The following HNRNPF variants were observed in gnomAD, a reference collection of about 807,000 sequenced individuals.
HNRNPF encodes the protein heterogeneous nuclear ribonucleoprotein F.
Under a neutral mutation model 26.0 loss-of-function variants are expected in HNRNPF, and 2 were observed. The observed-to-expected ratio is 0.08, with a 90% CI of 0.03 to 0.24. The LOEUF is 0.24. Among genes scored for constraint, HNRNPF ranks in the 10% least tolerant of loss-of-function variants. The pLI, the probability that HNRNPF is intolerant of heterozygous loss-of-function variation, is 1.00. For synonymous variants in HNRNPF, 234 were observed against 211.5 expected, an observed-to-expected ratio of 1.11 and a Z score of -0.92; for missense variants, 299 against 539.2, an observed-to-expected ratio of 0.55 and a Z score of 4.41.
In HNRNPF at chr10:43,386,223, T is replaced by A. The variant is rs1838016954; in HGVS notation, c.*414A>T. On this transcript the variant is annotated 3_prime_UTR_variant, in exon 4 of 4. Coordinates refer to ENST00000682386, the MANE Select transcript of HNRNPF (RefSeq NM_001098204.2). ...AGCTTAAACTTAACCTAAAGGATTTTAAATGAAAATATAAACTAGAATGAA... is the reference window on the plus strand; with the variant it reads ...AGCTTAAACTTAACCTAAAGGATTTAAAATGAAAATATAAACTAGAATGAA... 1 of 155,690 alleles carries A rather than the reference T, an allele frequency of 6.4e-6. No individual in the cohort carries two copies. Among genetic ancestry groups the A allele is most frequent in the South Asian group, 2.0e-4 (1 of 4,922 alleles). 9.6% of individuals were successfully genotyped at this position (155,690 alleles called of 1,614,324 possible). A position where few individuals can be genotyped will look rare whatever the true frequency, so the allele number is the denominator to read the frequency against.
chr10:43,406,427 C>T (rs751322920), intron 1 of HNRNPF, among the ~76,000 whole-genome samples: 12 of 152,196 alleles, frequency 7.9e-5, no homozygotes, highest in Non-Finnish European at 1.6e-4. Flanking sequence ...GGCACGATGG[C>T]TCACGCCTGT....
chr10:43,389,490 T>A (rs1347702933), intron 3 of HNRNPF, among the ~76,000 whole-genome samples: 2 of 152,196 alleles, frequency 1.3e-5, no homozygotes, highest in Non-Finnish European at 2.9e-5. Flanking sequence ...TCAGGGAAAA[T>A]TAGTAATTTT....
intron 3 of HNRNPF, among the ~76,000 whole-genome samples, chr10:43,388,503 C>G (rs1838119203): frequency 6.6e-6 from 1 of 152,174 alleles, no homozygotes; most frequent in African/African-American, 2.4e-5. Flanking sequence ...TATGATTTTG[C>G]TCCTAAATTG....
chr10:43,386,681 C>T lies in HNRNPF; in HGVS notation c.1204G>A (p.Gly402Arg), dbSNP rs1838037621. Residue 402 changes from glycine (G) to arginine (R), a missense_variant, in exon 4 of 4, where the codon GGG becomes AGG. This residue lies in a region of HNRNPF where 53 missense variants were observed against 72.4 expected (regional missense o/e 0.73). Coordinates refer to ENST00000682386, the MANE Select transcript of HNRNPF (RefSeq NM_001098204.2). The part of the protein sequence containing the change: ...LESQSVSGCY[G>R]AGYSGQNSMG... Reference sequence around the variant, plus strand: ...CTGTTCTGCCCACTGTAGCCGGCCCCGTAACAGCCACTCACTGACTGGCTC... The same window carrying T: ...CTGTTCTGCCCACTGTAGCCGGCCCTGTAACAGCCACTCACTGACTGGCTC... 3 of 1,592,168 alleles carry T rather than the reference C, an allele frequency of 1.9e-6. No individual in the cohort carries two copies. Among genetic ancestry groups the T allele is most frequent in the South Asian group, 1.1e-5 (1 of 87,666 alleles).
intron 1 of HNRNPF, among the ~76,000 whole-genome samples, chr10:43,401,975 G>C (rs1163107102): frequency 2.0e-5 from 3 of 152,084 alleles, no homozygotes; most frequent in Non-Finnish European, 4.4e-5. Flanking sequence ...AGGAGGAAAG[G>C]AACATGACAA....
rs772810528 is a variant in HNRNPF, at chr10:43,387,747, G to A, written c.138C>T (p.Ile46=). 1 of 1,614,046 alleles carries A rather than the reference G, an allele frequency of 6.2e-7. No homozygotes were observed. Among genetic ancestry groups the A allele is most frequent in the Non-Finnish European group, 8.5e-7 (1 of 1,180,020 alleles). ...IHDGAAGVHF[I]YTREGRQSGE... Reference sequence around the variant, plus strand: ...CACTCTGCCTGCCCTCTCTAGTGTAGATGAAATGGACACCTGCGGCCCCAT... The same window carrying A: ...CACTCTGCCTGCCCTCTCTAGTGTAAATGAAATGGACACCTGCGGCCCCAT... The change falls in exon 4 of 4, where the codon ATC becomes ATT. Residue 46 remains isoleucine, a synonymous_variant. Coordinates refer to ENST00000682386, the MANE Select transcript of HNRNPF (RefSeq NM_001098204.2). This position sits in a 1 kb window ranked among gnomAD's most constrained non-coding sequence, Gnocchi z 6.0.
chr10:43,401,268 T>A (rs551629588), intron 1 of HNRNPF, among the ~76,000 whole-genome samples: 1 of 152,338 alleles, frequency 6.6e-6, no homozygotes, highest in South Asian at 2.1e-4. Context: ...TCTGGGGGGA[T>A]AACACACTGC....
chr10:43,393,596 CA>C (rs60717059), intron 3 of HNRNPF, among the ~76,000 whole-genome samples: 10,663 of 140,592 alleles, frequency 0.076, 487 homozygotes, highest in East Asian at 0.21. Flanking sequence ...AACTCCATCT[CA>C]AAAAAAAAAA....
In HNRNPF at chr10:43,394,622, T is replaced by C. The variant is rs1421462682; in HGVS notation, c.-53+8A>G. 1.3e-5 allele frequency: 2 copies of C among 152,090 alleles called. No homozygotes were observed. The highest frequency in any genetic ancestry group is 1.3e-4 in the Admixed American group (2 of 15,276). The allele number at this position is 152,090 out of a possible 1,614,324, so 9.4% of individuals were successfully genotyped here. A position where few individuals can be genotyped will look rare whatever the true frequency, so the allele number is the denominator to read the frequency against. ...AGCTGAAAAGGGGCTCTTCTTAAAA[T>C]AGCTTACCTTAAAAACAACCACGGA... On this transcript the variant is annotated splice_region_variant and intron_variant, in intron 3 of 3. Transcript: ENST00000682386.
intron 1 of HNRNPF, among the ~76,000 whole-genome samples, chr10:43,403,212 T>C (rs1486189491): frequency 6.6e-6 from 1 of 152,140 alleles, no homozygotes; most frequent in Non-Finnish European, 1.5e-5. Flanking sequence ...GAGATGGGGT[T>C]TCGCCACATT....
At chr10:43,397,651 G>C (rs538259263) in intron 1 of HNRNPF, among the ~76,000 whole-genome samples, 55 of 152,184 alleles carry the variant, frequency 3.6e-4, no homozygotes, top group African/African-American at 1.3e-3. Flanking sequence ...AAAAATCTTT[G>C]AAAAAAAATT....
chr10:43,393,661 C>T lies in HNRNPF; in HGVS notation c.-53+969G>A, dbSNP rs78571750. On this transcript the variant is annotated intron_variant, in intron 3 of 3. Transcript: ENST00000682386. Reference sequence around the variant, plus strand: ...TTACTGCAATCCCATCTACGGCTCACGTGTACTTTTAAAACTCATTACTGT... The same window carrying T: ...TTACTGCAATCCCATCTACGGCTCATGTGTACTTTTAAAACTCATTACTGT... Among the ~76,000 whole-genome samples, 1,113 of 152,156 alleles carry T rather than the reference C, an allele frequency of 7.3e-3. 17 individuals are homozygous for T. Among genetic ancestry groups the T allele is most frequent in the African/African-American group, 0.026 (1,065 of 41,512 alleles).
intron 1 of HNRNPF, among the ~76,000 whole-genome samples, chr10:43,403,457 A>G (rs1481968499): frequency 6.6e-6 from 1 of 152,220 alleles, no homozygotes; most frequent in Non-Finnish European, 1.5e-5. Flanking sequence ...GAGTTTTACA[A>G]TTAATCAAGT....
In HNRNPF at chr10:43,387,468, G is replaced by T; in HGVS notation, c.417C>A (p.Asn139Lys). ...QFFSGLEIVP[N>K]GITLPVDPEG... Reference sequence around the variant, plus strand: ...CGGGGTCCACAGGCAATGTGATCCCGTTTGGCACAATTTCCAACCCTGAGA... The same window carrying T: ...CGGGGTCCACAGGCAATGTGATCCCTTTTGGCACAATTTCCAACCCTGAGA... Residue 139 changes from asparagine to lysine, a missense_variant, in exon 4 of 4, where the codon AAC becomes AAA. Asn to Lys is a moderately conservative substitution (Grantham distance 94, BLOSUM62 0). Transcript: ENST00000682386. This position sits in a 1 kb window ranked among gnomAD's most constrained non-coding sequence, Gnocchi z 6.0. 6.2e-7 allele frequency: 1 copy of T among 1,614,212 alleles called. No individual in the cohort carries two copies. Among genetic ancestry groups the T allele is most frequent in the Non-Finnish European group, 8.5e-7 (1 of 1,180,046 alleles).
intron 2 of HNRNPF, among the ~76,000 whole-genome samples, chr10:43,396,027 C>G (rs1006779164): frequency 2.0e-5 from 3 of 151,432 alleles, no homozygotes; most frequent in Admixed American, 2.0e-4. Flanking sequence ...TGCACGGGGG[C>G]CACCTAGATA....
chr10:43,399,154 A>C (rs1383795650), intron 1 of HNRNPF, among the ~76,000 whole-genome samples: 1 of 152,184 alleles, frequency 6.6e-6, no homozygotes, highest in African/African-American at 2.4e-5. Context: ...TGTGACAGGC[A>C]CATTAGCCTC....
At chr10:43,397,495 C>G (rs1025306933) in intron 1 of HNRNPF, 4 of 145,268 alleles carry the variant, frequency 2.8e-5, no homozygotes, top group Admixed American at 1.3e-4. Flanking sequence ...AGAGTGCCAG[C>G]CACGGGGAAG....
Position 43,391,355 on chromosome 10 carries a change from G to C in HNRNPF, c.-53+3275C>G, listed in dbSNP as rs569542674. ...CGCCTGTAGTCCCAGCCACTACGGA[G>C]GCTGAGGCAAGAGAATCACCTGAAC... On this transcript the variant is annotated intron_variant, in intron 3 of 3. Transcript: ENST00000682386. 8.6e-5 allele frequency among the ~76,000 whole-genome samples: 13 copies of C among 151,992 alleles called. No individual in the cohort carries two copies. The South Asian group carries it at 1.2e-3, about 15-fold the overall frequency.
At chr10:43,407,621 ATACT>A (rs1319436652) in intron 1 of HNRNPF, 1 of 151,510 alleles carries the variant, frequency 6.6e-6, no homozygotes, top group East Asian at 1.9e-4. Context: ...ATCGACGAAA[ATACT>A]TAATACAAAC....
Sources: allele counts gnomAD v4.1 joint callset (sites outside exome capture counted in the v4.1 genomes callset), GRCh38; gene constraint gnomAD v4.1.1; regional missense constraint gnomAD v4.1.1; non-coding constraint Gnocchi (gnomAD v3.1); transcripts MANE v1.5; gene names NCBI Gene and HGNC (gene_info 2026-07-23, HGNC 2026-07-21).